Variants in KMT2B observed in about 807,000 individuals in gnomAD.
The protein encoded by KMT2B is lysine methyltransferase 2B.
Under a neutral mutation model 255.3 loss-of-function variants are expected in KMT2B, and 22 were observed. The observed-to-expected ratio is 0.09, with a 90% CI of 0.06 to 0.12. The LOEUF (loss-of-function observed/expected upper bound fraction) is 0.12, where lower values mean the gene tolerates loss of function less well. KMT2B is among the 10% of genes least tolerant of loss of function. The probability of loss-of-function intolerance (pLI) is 1.00; values close to 1 mark genes in which losing one functional copy is unlikely to be tolerated. For missense variants in KMT2B, 3,149 were observed against 3,737.0 expected, an observed-to-expected ratio of 0.84 and a Z score of 4.10; for synonymous variants, 1,730 against 1,498.1, an observed-to-expected ratio of 1.15 and a Z score of -3.57.
chr19:35,718,341 T>G lies in KMT2B; in HGVS notation c.323T>G (p.Val108Gly). Residue 108 changes from valine (V) to glycine (G), a missense_variant, in exon 1 of 37, where the codon GTG (valine) becomes GGG (glycine). Physicochemically the swap from Val to Gly is moderately radical, Grantham distance 109. This residue lies in a region of KMT2B where 1,188 missense variants were observed against 1,106.4 expected (regional missense o/e 1.07). Transcript: ENST00000420124. The surrounding 1 kb of genome is among the most constrained non-coding windows in gnomAD (Gnocchi z 5.0). The stretch of plus-strand genomic sequence containing the variant: ...GGCTGGGGCCCGAGTCGAGGCTGCG[T>G]GCCGGAGGAGGAGAGCAGTGACGGG... ...GRGWGPSRGC[V>G]PEEESSDGES... The G allele has an allele frequency of 7.9e-7, 1 of 1,258,344 alleles. No homozygotes were observed. The highest frequency in any genetic ancestry group is 1.0e-6 in the Non-Finnish European group (1 of 994,958). The allele number at this position is 1,258,344 out of a possible 1,614,324, so 77.9% of individuals were successfully genotyped here.
rs1969663886 is a variant in KMT2B at position 35,730,886 on chromosome 19, C to T, written c.5437+19C>T. 1.3e-6 allele frequency: 2 copies of T among 1,577,670 alleles called. No individual in the cohort carries two copies. Among genetic ancestry groups the T allele is most frequent in the Admixed American group, 1.8e-5 (1 of 54,544 alleles). ...TCCTCAGGTGTGGCTTTGGCTCTGT[C>T]TTCTTCCTGAATACCGCTCTCCCTA... On this transcript the variant is annotated intron_variant, in intron 26 of 36. Transcript: ENST00000420124.
In KMT2B at chr19:35,738,282, G is replaced by A. The variant is rs778555952; in HGVS notation, c.7873G>A (p.Gly2625Ser). The change falls in exon 37 of 37, where the codon GGC becomes AGC. Residue 2625 changes from glycine to serine, a missense_variant and splice_region_variant. Gly to Ser is a moderately conservative substitution (Grantham distance 56). Around this residue, in one of 18 missense-constraint regions of KMT2B, gnomAD observed 56 missense variants for 238.8 expected, o/e 0.23. Coordinates refer to ENST00000420124, the MANE Select transcript of KMT2B (RefSeq NM_014727.3). This position sits in a 1 kb window ranked among gnomAD's most constrained non-coding sequence, Gnocchi z 8.7. ...TGATCTCCCCACCTCATCCCTGCAG[G>A]GCATCGGGTGCTATATGTTCCGCAT... ...DKREKFYDGK[G>S]IGCYMFRMDD... 1 of 1,613,580 alleles carries A rather than the reference G, an allele frequency of 6.2e-7. No homozygotes were observed. Among genetic ancestry groups the A allele is most frequent in the Non-Finnish European group, 8.5e-7 (1 of 1,179,646 alleles).
At chr19:35,728,036 C>T (rs1346150669) in intron 18 of KMT2B, 51 bp downstream of exon 18, 8 of 1,551,402 alleles carry the variant, frequency 5.2e-6, no homozygotes, top group Non-Finnish European at 7.0e-6. Flanking sequence ...ACCTTCAGAC[C>T]CTGCCCCTGC....
In KMT2B at chr19:35,722,420, G is replaced by A. The variant is rs373552415; in HGVS notation, c.2519G>A (p.Gly840Asp). Residue 840 changes from glycine (G) to aspartate (D), a missense_variant, in exon 4 of 37, where the codon GGC becomes GAC. Coordinates refer to ENST00000420124, the MANE Select transcript of KMT2B (RefSeq NM_014727.3). Reference sequence around the variant, plus strand: ...GCTGTCAAGCAGATCTCCGACAGAGGCCCTGTCCGGTCTGAAGATGAGTCG... The same window carrying A: ...GCTGTCAAGCAGATCTCCGACAGAGACCCTGTCCGGTCTGAAGATGAGTCG... ...AGAVKQISDR[G>D]PVRSEDESVE... 5.8e-5 allele frequency: 93 copies of A among 1,610,558 alleles called. No individual in the cohort carries two copies. Among genetic ancestry groups the A allele is most frequent in the Non-Finnish European group, 7.4e-5 (87 of 1,179,842 alleles).
chr19:35,737,595 C>A lies in KMT2B; in HGVS notation c.7551-41C>A. 1.5e-6 allele frequency: 2 copies of A among 1,348,298 alleles called. No homozygotes were observed. The highest frequency in any genetic ancestry group is 2.1e-6 in the Non-Finnish European group (2 of 968,054). The allele number at this position is 1,348,298 out of a possible 1,614,324, so 83.5% of individuals were successfully genotyped here. On this transcript the variant is annotated intron_variant, in intron 33 of 36. Transcript: ENST00000420124. The surrounding 1 kb of genome is among the most constrained non-coding windows in gnomAD (Gnocchi z 5.3). ...CCACCCATTTCCCTGTTAGCTCTGT[C>A]TTCAACAGTATATTCCTCCTTCCCC...
intron 30 of KMT2B, chr19:35,735,494 C>T (rs1969881643): frequency 6.6e-6 from 1 of 152,318 alleles, no homozygotes; most frequent in Non-Finnish European, 1.5e-5. Flanking sequence ...CTAGATGTGT[C>T]CCGGGACCCT....
At position 35,733,935 on chromosome 19, in the gene KMT2B, A is replaced by T; in HGVS notation, c.7159+63A>T. The T allele has an allele frequency of 8.4e-7, 1 of 1,189,466 alleles. No individual in the cohort carries two copies. Among genetic ancestry groups the T allele is most frequent in the Non-Finnish European group, 1.2e-6 (1 of 812,444 alleles). 73.7% of individuals were successfully genotyped at this position (1,189,466 alleles called of 1,614,324 possible). On this transcript the variant is annotated intron_variant, in intron 30 of 36. Transcript: ENST00000420124. The surrounding 1 kb of genome is among the most constrained non-coding windows in gnomAD (Gnocchi z 4.3). The stretch of plus-strand genomic sequence containing the variant: ...CCTGGCTCAGCTGGGTGACTCACAG[A>T]TGCAAAATCAGCCCTCTTTCAAAAC...
In KMT2B at chr19:35,728,863, G is replaced by A; in HGVS notation, c.4661G>A (p.Gly1554Glu). The A allele has an allele frequency of 6.2e-7, 1 of 1,613,934 alleles. No homozygotes were observed. Among genetic ancestry groups the A allele is most frequent in the South Asian group, 1.1e-5 (1 of 91,082 alleles). ...CAGGAACCAGAGACCCCAGAATCAGGGCAGCCTCCAGGGGATCCCTCAGCA... is the reference window on the plus strand; with the variant it reads ...CAGGAACCAGAGACCCCAGAATCAGAGCAGCCTCCAGGGGATCCCTCAGCA... Reference protein sequence around the residue: ...RQQEPETPESGQPPGDPSAAF... With the variant: ...RQQEPETPESEQPPGDPSAAF... Residue 1554 changes from glycine to glutamate, a missense_variant, in exon 20 of 37, where the codon GGG (glycine) becomes GAG (glutamate). Physicochemically the swap from Gly to Glu is moderately conservative, Grantham distance 98. Transcript: ENST00000420124.
Position 35,723,623 on chromosome 19 carries a change from C to G in KMT2B, c.3059-109C>G. 1 of 1,293,964 alleles carries G rather than the reference C, an allele frequency of 7.7e-7. No homozygotes were observed. The highest frequency in any genetic ancestry group is 1.1e-6 in the Non-Finnish European group (1 of 945,712). The allele number at this position is 1,293,964 out of a possible 1,614,324, so 80.2% of individuals were successfully genotyped here. A position where few individuals can be genotyped will look rare whatever the true frequency, so the allele number is the denominator to read the frequency against. ...CCCTCTCCATCTTCTCCGTTGTGTG[C>G]TTTCATAGCTCCTGCGTTCATTCCC... On this transcript the variant is annotated intron_variant, in intron 7 of 36. Transcript: ENST00000420124. This position sits in a 1 kb window ranked among gnomAD's most constrained non-coding sequence, Gnocchi z 7.5.
rs914742940 is a variant in KMT2B, at chr19:35,738,846, A to AC, written c.*296dup. 2.7e-5 allele frequency: 13 copies of AC among 480,716 alleles called. No homozygotes were observed. The highest frequency in any genetic ancestry group is 1.2e-4 in the Admixed American group (3 of 25,858). 29.8% of individuals were successfully genotyped at this position (480,716 alleles called of 1,614,324 possible). The stretch of plus-strand genomic sequence containing the variant: ...TTAAGAGGTGGGGTCCCAGGTGGGA[A>AC]CCCCCCCACAATAAAGTCTGTCAAT... On this transcript the variant is annotated 3_prime_UTR_variant, in exon 37 of 37. Coordinates refer to ENST00000420124, the MANE Select transcript of KMT2B (RefSeq NM_014727.3). This position sits in a 1 kb window ranked among gnomAD's most constrained non-coding sequence, Gnocchi z 8.7.
At chr19:35,719,348 C>CT (rs1212603843) in intron 1 of KMT2B, 121 bp from the exon 2 acceptor site, 10 of 725,930 alleles carry the variant, frequency 1.4e-5, no homozygotes, top group Non-Finnish European at 1.8e-5. Context: ...CTTTTTCGTT[C>CT]TTTTTAAATA....
rs542412820 is a variant in KMT2B, at chr19:35,733,994, C to G, written c.7159+122C>G. The stretch of plus-strand genomic sequence containing the variant: ...ACTCCCAGGGGCCAAGCCTGAGGCT[C>G]GGTGCTAGAGTTAGAGATGACCTTG... On this transcript the variant is annotated intron_variant, in intron 30 of 36. Transcript: ENST00000420124. The surrounding 1 kb of genome is among the most constrained non-coding windows in gnomAD (Gnocchi z 4.3). 1.1e-4 allele frequency: 78 copies of G among 680,838 alleles called. No individual in the cohort carries two copies. The highest frequency in any genetic ancestry group is 1.8e-4 in the Non-Finnish European group (69 of 391,330). 42.2% of individuals were successfully genotyped at this position (680,838 alleles called of 1,614,324 possible).
intron 22 of KMT2B, 28 bp downstream of exon 22, chr19:35,729,324 C>T (rs1969596018): frequency 6.4e-7 from 1 of 1,571,764 alleles, no homozygotes; most frequent in Admixed American, 1.9e-5. Flanking sequence ...GAGAGGTGGA[C>T]AGCTCTCTGG....
In KMT2B at chr19:35,737,222, C is replaced by G. The variant is rs1375499257; in HGVS notation, c.7509C>G (p.Pro2503=). 6.3e-7 allele frequency: 1 copy of G among 1,576,796 alleles called. No homozygotes were observed. Among genetic ancestry groups the G allele is most frequent in the East Asian group, 2.3e-5 (1 of 43,076 alleles). The part of the protein sequence containing the change: ...HQQGEGQEEP[P]LNPHGAARAE... ...AGGGAGAGGGCCAGGAGGAGCCGCC[C>G]CTGAATCCCCATGGGGCTGCTCGGG... Residue 2503 remains proline, a synonymous_variant, in exon 33 of 37, where the codon CCC becomes CCG. Coordinates refer to ENST00000420124, the MANE Select transcript of KMT2B (RefSeq NM_014727.3). This position sits in a 1 kb window ranked among gnomAD's most constrained non-coding sequence, Gnocchi z 5.3.
At position 35,730,780 on chromosome 19, in the gene KMT2B, C is replaced by T; in HGVS notation, c.5350C>T (p.Arg1784Trp). Reference protein sequence around the residue: ...CWYRCRILEYRPWGPREEPAH... With the variant: ...CWYRCRILEYWPWGPREEPAH... Reference sequence around the variant, plus strand: ...GTATCGGTGCCGAATTCTGGAGTATCGGCCATGGGGGCCGAGGGAAGAGCC... The same window carrying T: ...GTATCGGTGCCGAATTCTGGAGTATTGGCCATGGGGGCCGAGGGAAGAGCC... The change falls in exon 26 of 37, where the codon CGG becomes TGG. Residue 1784 changes from arginine to tryptophan, a missense_variant. Physicochemically the swap from Arg to Trp is moderately radical, Grantham distance 101 (BLOSUM62 -3). Coordinates refer to ENST00000420124, the MANE Select transcript of KMT2B (RefSeq NM_014727.3). 3.7e-6 allele frequency: 6 copies of T among 1,613,806 alleles called. No individual in the cohort carries two copies. Among genetic ancestry groups the T allele is most frequent in the Non-Finnish European group, 5.1e-6 (6 of 1,179,878 alleles).
At chr19:35,722,929 A>T in intron 5 of KMT2B, 66 bp from the exon 6 acceptor site, 1 of 1,465,206 alleles carries the variant, frequency 6.8e-7, no homozygotes. Context: ...GTGGGAAAGC[A>T]GGGAAGTGAG....
In KMT2B at chr19:35,725,385, G is replaced by T. The variant is rs150489661; in HGVS notation, c.3642+52G>T. 1.3e-6 allele frequency: 2 copies of T among 1,571,458 alleles called. No homozygotes were observed. The highest frequency in any genetic ancestry group is 2.7e-5 in the African/African-American group (2 of 74,194). On this transcript the variant is annotated intron_variant, in intron 11 of 36. Coordinates refer to ENST00000420124, the MANE Select transcript of KMT2B (RefSeq NM_014727.3). This position sits in a 1 kb window ranked among gnomAD's most constrained non-coding sequence, Gnocchi z 4.1. ...CCCCCAGCTCTCTGTCGGTCCTCAC[G>T]GCCTGATTCCTTGGGCCCTCTCAGC...
Position 35,722,583 on chromosome 19 carries a change from G to C in KMT2B, c.2587G>C (p.Val863Leu), listed in dbSNP as rs533284007. ...RERPSGPESP[V>L]QGPRIKHVCR... is the part of the protein sequence containing the mutation. The stretch of plus-strand genomic sequence containing the variant: ...TCTCCCCCAGGGTCCCGAGTCCCCT[G>C]TGCAAGGTCCCCGCATCAAACATGT... Residue 863 changes from valine to leucine, a missense_variant, in exon 5 of 37, where the codon GTG becomes CTG. Physicochemically the swap from Val to Leu is conservative, Grantham distance 32 (BLOSUM62 1). Transcript: ENST00000420124. 28 of 1,608,742 alleles carry C rather than the reference G, an allele frequency of 1.7e-5. No homozygotes were observed. The South Asian group carries it at 3.0e-4, about 17-fold the overall frequency.
At chr19:35,724,937 C>T in intron 9 of KMT2B, 52 bp from the exon 10 acceptor site, 2 of 1,331,548 alleles carry the variant, frequency 1.5e-6, no homozygotes, top group Non-Finnish European at 2.2e-6. Context: ...GGAGAGGAGT[C>T]TGCATCACGG....
Sources: allele counts gnomAD v4.1 joint callset, GRCh38; gene constraint gnomAD v4.1.1; regional missense constraint gnomAD v4.1.1; non-coding constraint Gnocchi (gnomAD v3.1); transcripts MANE v1.5; gene names NCBI Gene and HGNC (gene_info 2026-07-23, HGNC 2026-07-21).